THSD7A: variants seen among roughly 807,000 people sequenced by gnomAD.
THSD7A encodes thrombospondin type 1 domain containing 7A.
THSD7A carries 96 observed loss-of-function variants against 231.3 expected under a neutral mutation model. The ratio of observed to expected loss-of-function variants is 0.41; its 90% confidence interval spans 0.35 to 0.49. The LOEUF (loss-of-function observed/expected upper bound fraction) is 0.49. Ranked by LOEUF, THSD7A falls within the 20% of genes least tolerant of loss-of-function variation. The pLI is 0.05. For synonymous variants in THSD7A, 940 were observed against 743.3 expected, an observed-to-expected ratio of 1.26 and a Z score of -4.30; for missense variants, 2,290 against 2,070.2, an observed-to-expected ratio of 1.11 and a Z score of -2.06.
chr7:11,564,999 G>T (rs1338202797), intron 4 of THSD7A, among the ~76,000 whole-genome samples: 4 of 152,064 alleles, frequency 2.6e-5, no homozygotes, highest in South Asian at 2.1e-4. Context: ...CTACTATGGG[G>T]ATGTACCATC....
chr7:11,774,101 T>C (rs1171113020), intron 1 of THSD7A, among the ~76,000 whole-genome samples: 2 of 152,164 alleles, frequency 1.3e-5, no homozygotes, highest in African/African-American at 4.8e-5. Context: ...AGTAGGAGTA[T>C]AAATTAGAGT....
chr7:11,773,725 T>A (rs10279362), intron 1 of THSD7A, among the ~76,000 whole-genome samples: 76,961 of 151,884 alleles, frequency 0.51, 19,675 homozygotes, highest in Middle Eastern at 0.55. Context: ...TGATACAAGC[T>A]TACAATGTGG....
chr7:11,409,507 T>G (rs192592526), intron 19 of THSD7A, among the ~76,000 whole-genome samples: 4 of 152,376 alleles, frequency 2.6e-5, no homozygotes, highest in African/African-American at 9.6e-5. Context: ...TTTACTCATA[T>G]TCGATGTAAG....
rs549819540 is a variant in THSD7A, at chr7:11,545,345, G to A, written c.1454-2228C>T. ...AAATTTACTGGGTATGAAATTGTGAGGAATCTTATTAGAGTCTGAATTTAT... is the reference window on the plus strand; with the variant it reads ...AAATTTACTGGGTATGAAATTGTGAAGAATCTTATTAGAGTCTGAATTTAT... On this transcript the variant is annotated intron_variant, in intron 4 of 27. Transcript: ENST00000423059. Among the ~76,000 whole-genome samples the A allele has an allele frequency of 2.0e-5, 3 of 152,098 alleles. No individual in the cohort carries two copies. In the East Asian group the frequency reaches 5.8e-4, roughly 29 times the overall value.
chr7:11,442,501 G>A (rs1341729236), intron 13 of THSD7A, among the ~76,000 whole-genome samples: 1 of 151,980 alleles, frequency 6.6e-6, no homozygotes, highest in Non-Finnish European at 1.5e-5. Flanking sequence ...TAAATTGAAA[G>A]CTGGAAGATA....
At chr7:11,537,470 A>G (rs1049181607) in intron 6 of THSD7A, among the ~76,000 whole-genome samples, 1 of 151,944 alleles carries the variant, frequency 6.6e-6, no homozygotes, top group Non-Finnish European at 1.5e-5. Flanking sequence ...TTCTCATGAG[A>G]TCTGGTTGTT....
rs1037360809 is a variant in THSD7A, at chr7:11,590,203, G to C, written c.1453+257C>G. ...ATTATTCCTGCTAAACTTTGATGAA[G>C]AGGTTGAGTCAAGAAGGCCTTTAAG... is the stretch of plus-strand genomic sequence containing the variant. On this transcript the variant is annotated intron_variant, in intron 4 of 27. Transcript: ENST00000423059. The surrounding 1 kb of genome is among the most constrained non-coding windows in gnomAD (Gnocchi z 4.4). 1.3e-5 allele frequency among the ~76,000 whole-genome samples: 2 copies of C among 152,124 alleles called. No homozygotes were observed. Among genetic ancestry groups the C allele is most frequent in the African/African-American group, 4.8e-5 (2 of 41,418 alleles).
chr7:11,729,331 G>GA (rs1402327931), intron 1 of THSD7A, among the ~76,000 whole-genome samples: 1 of 151,740 alleles, frequency 6.6e-6, no homozygotes, highest in African/African-American at 2.4e-5. Context: ...GTTTTGTGGT[G>GA]AAAAAATTAC....
chr7:11,819,489 G>T (rs893433972), intron 1 of THSD7A, among the ~76,000 whole-genome samples: 2 of 152,116 alleles, frequency 1.3e-5, no homozygotes, highest in African/African-American at 4.8e-5. Flanking sequence ...GCGCTCAAAA[G>T]AAATGAGCTG....
intron 16 of THSD7A, among the ~76,000 whole-genome samples, chr7:11,423,303 A>G (rs1393004605): frequency 2.0e-5 from 3 of 152,076 alleles, no homozygotes; most frequent in Non-Finnish European, 4.4e-5. Context: ...CACCAATCTT[A>G]AATGCATGAA....
chr7:11,780,393 TA>T (rs1783585791), intron 1 of THSD7A, among the ~76,000 whole-genome samples: 1 of 152,238 alleles, frequency 6.6e-6, no homozygotes, highest in Non-Finnish European at 1.5e-5. Flanking sequence ...TCATAAGCTC[TA>T]GTCTTGCTTT....
rs1406541630 is a variant in THSD7A, at chr7:11,444,008, T to C, written c.3064+2053A>G. Among the ~76,000 whole-genome samples, 1 of 152,044 alleles carries C rather than the reference T, an allele frequency of 6.6e-6. No individual in the cohort carries two copies. The highest frequency in any genetic ancestry group is 1.9e-4 in the East Asian group (1 of 5,166). ...GGCAAAGGATATGAACAGGCAGTTCTCAAAAGACGACATTTATGTGGCTAA... is the reference window on the plus strand; with the variant it reads ...GGCAAAGGATATGAACAGGCAGTTCCCAAAAGACGACATTTATGTGGCTAA... On this transcript the variant is annotated intron_variant, in intron 13 of 27. Coordinates refer to ENST00000423059, the MANE Select transcript of THSD7A (RefSeq NM_015204.3). This position sits in a 1 kb window ranked among gnomAD's most constrained non-coding sequence, Gnocchi z 4.2.
At chr7:11,743,843 CTT>C (rs1782188554) in intron 1 of THSD7A, among the ~76,000 whole-genome samples, 2 of 151,880 alleles carry the variant, frequency 1.3e-5, no homozygotes, top group African/African-American at 4.8e-5. Context: ...TTACAGGAGT[CTT>C]GACTTTTTAA....
intron 6 of THSD7A, among the ~76,000 whole-genome samples, chr7:11,527,691 A>G (rs1243867254): frequency 6.6e-6 from 1 of 152,194 alleles, no homozygotes; most frequent in East Asian, 1.9e-4. Context: ...TAGAATAAAT[A>G]GTTGGTTAGG....
intron 1 of THSD7A, among the ~76,000 whole-genome samples, chr7:11,754,963 T>G (rs1034593449): frequency 1.3e-5 from 2 of 152,078 alleles, no homozygotes; most frequent in Admixed American, 6.6e-5. Flanking sequence ...AAAAAAAAGT[T>G]TATTCCTTAG....
chr7:11,608,785 C>G (rs1317507284), intron 2 of THSD7A, among the ~76,000 whole-genome samples: 2 of 152,074 alleles, frequency 1.3e-5, no homozygotes, highest in Admixed American at 1.3e-4. Context: ...ACTAAAATAA[C>G]TACAGAAGTG....
At chr7:11,591,312 G>A (rs1780155872) in intron 3 of THSD7A, among the ~76,000 whole-genome samples, 1 of 151,806 alleles carries the variant, frequency 6.6e-6, no homozygotes, top group African/African-American at 2.4e-5. Flanking sequence ...AAATGTCAGG[G>A]GATTGTCAGT....
At chr7:11,795,981 T>C (rs986037731) in intron 1 of THSD7A, among the ~76,000 whole-genome samples, 2 of 149,076 alleles carry the variant, frequency 1.3e-5, no homozygotes, top group Non-Finnish European at 3.0e-5. Context: ...AGCTGTTTCC[T>C]GTAACTGTGC....
intron 1 of THSD7A, among the ~76,000 whole-genome samples, chr7:11,813,068 A>T (rs1483289935): frequency 3.9e-5 from 6 of 152,230 alleles, no homozygotes; most frequent in Non-Finnish European, 7.3e-5. Context: ...AACTTCCAAA[A>T]CAGGTTAGCA....
Sources: gnomAD v4.1 joint callset for allele counts (sites outside exome capture counted in the v4.1 genomes callset) on GRCh38, gnomAD v4.1.1 for gene constraint, Gnocchi (gnomAD v3.1) non-coding constraint, MANE v1.5 for transcripts, NCBI Gene and HGNC (gene_info 2026-07-23, HGNC 2026-07-21) for gene names.